The following MGA variants were observed in gnomAD, a reference collection of about 807,000 sequenced individuals.
MGA encodes MAX dimerization protein MGA, also known as MAX gene-associated protein.
MGA carries 40 observed loss-of-function variants against 261.1 expected under a neutral mutation model. The ratio of observed to expected loss-of-function variants is 0.15; its 90% CI spans 0.12 to 0.20. The LOEUF (loss-of-function observed/expected upper bound fraction) is 0.20. Ranked by LOEUF, MGA falls within the 10% of genes least tolerant of loss-of-function variation. The pLI, the probability that MGA is intolerant of heterozygous loss-of-function variation, is 1.00. For missense variants in MGA, 3,397 were observed against 3,630.5 expected (o/e 0.94, Z 1.65); for synonymous variants, 1,302 against 1,290.6 (o/e 1.01, Z -0.19).
chr15:41,656,899 C>T (rs1181535146), upstream of MGA, among the ~76,000 whole-genome samples: 3 of 152,116 alleles, frequency 2.0e-5, no homozygotes, highest in Non-Finnish European at 4.4e-5. Flanking sequence ...ACTTCAGCCT[C>T]CTGAGTAGCT....
intron 12 of MGA, among the ~76,000 whole-genome samples, chr15:41,735,622 A>G (rs1025047569): frequency 6.6e-6 from 1 of 152,040 alleles, no homozygotes; most frequent in East Asian, 1.9e-4. Flanking sequence ...CCATAATCTC[A>G]GCTACTCGGG....
At chr15:41,753,488 A>G (rs2062970070) in intron 17 of MGA, among the ~76,000 whole-genome samples, 1 of 152,110 alleles carries the variant, frequency 6.6e-6, no homozygotes, top group Non-Finnish European at 1.5e-5. Flanking sequence ...CTAGTGTTAC[A>G]TAAAATATTT....
At chr15:41,658,907 T>C (rs2057268957), upstream of MGA, among the ~76,000 whole-genome samples, 2 of 152,082 alleles carry the variant, frequency 1.3e-5, no homozygotes, top group African/African-American at 4.8e-5. Context: ...CTTATGATCA[T>C]ATATTTTAAT....
chr15:41,728,420 C>T (rs1022302810), intron 10 of MGA, among the ~76,000 whole-genome samples: 1 of 152,146 alleles, frequency 6.6e-6, no homozygotes, highest in Non-Finnish European at 1.5e-5. Flanking sequence ...TTTCAACTCC[C>T]CCAAAACTGA....
intron 2 of MGA, among the ~76,000 whole-genome samples, chr15:41,681,831 A>C (rs1021371300): frequency 4.6e-5 from 7 of 152,142 alleles, no homozygotes; most frequent in African/African-American, 1.7e-4. Context: ...ATTTTCTTTT[A>C]TAACTTTGTT....
At chr15:41,721,019 C>A (rs558231598) in intron 9 of MGA, among the ~76,000 whole-genome samples, 1 of 151,960 alleles carries the variant, frequency 6.6e-6, no homozygotes, top group South Asian at 2.1e-4. Context: ...TTTGTAGGTA[C>A]GTTATACACC....
intron 5 of MGA, among the ~76,000 whole-genome samples, chr15:41,706,415 C>G (rs993430142): frequency 1.1e-4 from 16 of 151,456 alleles, no homozygotes; most frequent in African/African-American, 3.9e-4. Context: ...GCCTGGCTTG[C>G]CATCTTTTGT....
At chr15:41,719,500 G>A (rs985709801) in intron 9 of MGA, among the ~76,000 whole-genome samples, 1 of 152,130 alleles carries the variant, frequency 6.6e-6, no homozygotes, top group Non-Finnish European at 1.5e-5. Context: ...CAGCACTTCA[G>A]GAGGCCGAGA....
chr15:41,684,406 C>T (rs1370113295), intron 2 of MGA: 5 of 452,494 alleles, frequency 1.1e-5, no homozygotes, highest in African/African-American at 6.0e-5. Context: ...ATTCTTTTGC[C>T]TAATTTATTT....
At chr15:41,705,049 A>G (rs577187938) in intron 5 of MGA, among the ~76,000 whole-genome samples, 5 of 152,228 alleles carry the variant, frequency 3.3e-5, no homozygotes, top group Non-Finnish European at 7.3e-5. Context: ...ATATAAAAAG[A>G]TAATAGGTTT....
chr15:41,728,190 G>A (rs1053624460), intron 10 of MGA, among the ~76,000 whole-genome samples: 5 of 152,146 alleles, frequency 3.3e-5, no homozygotes, highest in African/African-American at 1.2e-4. Context: ...AATTAGCCGG[G>A]CGTGGTGGCT....
chr15:41,710,777 A>T lies in MGA; in HGVS notation c.2512A>T (p.Met838Leu). 4 of 1,613,972 alleles carry T rather than the reference A, an allele frequency of 2.5e-6. No individual in the cohort carries two copies. The highest frequency in any genetic ancestry group is 3.4e-6 in the Non-Finnish European group (4 of 1,179,870). The change falls in exon 8 of 24, where the codon ATG (methionine) becomes TTG (leucine). Residue 838 changes from methionine to leucine, a missense_variant. Physicochemically the swap from Met to Leu is conservative, Grantham distance 15. Around this residue, in one of 9 missense-constraint regions of MGA, gnomAD observed 519 missense variants for 554.1 expected, o/e 0.94. Transcript: ENST00000219905. ...ATACTTGGAAAATGAAGGCAAGCTG[A>T]TGGAAACAAGCATGGGTTTTTCTTC...
intron 9 of MGA, among the ~76,000 whole-genome samples, chr15:41,717,990 G>T (rs2060727689): frequency 6.6e-6 from 1 of 150,804 alleles, no homozygotes; most frequent in Non-Finnish European, 1.5e-5. Context: ...AGACCAGTCT[G>T]GGTGACAGAG....
rs1429515114 is a variant in MGA at position 41,768,178 on chromosome 15, A to G, written c.*898A>G. 1 of 152,652 alleles carries G rather than the reference A, an allele frequency of 6.6e-6. No individual in the cohort carries two copies. Among genetic ancestry groups the G allele is most frequent in the Non-Finnish European group, 1.5e-5 (1 of 68,040 alleles). 9.5% of individuals were successfully genotyped at this position (152,652 alleles called of 1,614,324 possible). The stretch of plus-strand genomic sequence containing the variant: ...ATGGGGCTGGAAATTTCCCAAATCA[A>G]ACCAGCCTCCTGGTGCTTGAAGGTT... On this transcript the variant is annotated 3_prime_UTR_variant, in exon 24 of 24. Coordinates refer to ENST00000219905, the MANE Select transcript of MGA (RefSeq NM_001164273.2).
At chr15:41,689,201 A>T (rs2059128156) in intron 2 of MGA, among the ~76,000 whole-genome samples, 1 of 151,662 alleles carries the variant, frequency 6.6e-6, no homozygotes, top group South Asian at 2.1e-4. Context: ...TAAGCCTCTA[A>T]ACCTTGTTAC....
intron 2 of MGA, among the ~76,000 whole-genome samples, chr15:41,686,022 AT>A (rs200206095): frequency 3.6e-4 from 53 of 146,408 alleles, no homozygotes; most frequent in African/African-American, 9.0e-4. Context: ...AAAAAAAATA[AT>A]AATAATAATT....
At chr15:41,722,323 G>A (rs962007249) in intron 9 of MGA, among the ~76,000 whole-genome samples, 13 of 152,150 alleles carry the variant, frequency 8.5e-5, no homozygotes, top group East Asian at 1.9e-4. Context: ...TAGAAACGGG[G>A]TTTCACCATG....
At chr15:41,720,940 AG>A (rs1397619822) in intron 9 of MGA, among the ~76,000 whole-genome samples, 1 of 152,246 alleles carries the variant, frequency 6.6e-6, no homozygotes, top group Non-Finnish European at 1.5e-5. Context: ...AAATGGTGAT[AG>A]GATTATTGTA....
chr15:41,733,373 G>C (rs561079199), intron 11 of MGA, among the ~76,000 whole-genome samples: 1 of 152,174 alleles, frequency 6.6e-6, no homozygotes, highest in Non-Finnish European at 1.5e-5. Flanking sequence ...GTGGCAGTCT[G>C]TCCAACCCAT....
Sources: gnomAD v4.1 joint callset for allele counts (sites outside exome capture counted in the v4.1 genomes callset) on GRCh38, gnomAD v4.1.1 for gene constraint, gnomAD v4.1.1 regional missense constraint, MANE v1.5 for transcripts, NCBI Gene and HGNC (gene_info 2026-07-23, HGNC 2026-07-21) for gene names.